The following SCHIP1 variants were observed in gnomAD, a reference collection of about 807,000 sequenced individuals.
SCHIP1 encodes schwannomin interacting protein 1.
A neutral mutation model predicts 29.7 loss-of-function variants in SCHIP1; 8 were observed. The ratio of observed to expected loss-of-function variants is 0.27; its 90% confidence interval spans 0.16 to 0.49. The LOEUF is 0.49. Ranked by LOEUF, SCHIP1 falls within the 20% of genes least tolerant of loss-of-function variation. The pLI is 0.99. For missense variants in SCHIP1, 193 were observed against 294.6 expected (o/e 0.66, Z 2.52); for synonymous variants, 76 against 94.9 (o/e 0.80, Z 1.16).
chr3:159,341,221 C>G, the SCHIP1 span, among the ~76,000 whole-genome samples: 1 of 150,754 alleles, frequency 6.6e-6, no homozygotes, highest in South Asian at 2.1e-4. Context: ...TTTTGAAGTG[C>G]TGCCGCCTTA....
chr3:159,750,290 T>TACATAC, the SCHIP1 span, among the ~76,000 whole-genome samples: 1 of 128,798 alleles, frequency 7.8e-6, no homozygotes, highest in African/African-American at 3.0e-5. Context: ...TATATATATA[T>TACATAC]ATATATACAC....
chr3:159,636,181 G>C, the SCHIP1 span, among the ~76,000 whole-genome samples: 1 of 152,168 alleles, frequency 6.6e-6, no homozygotes, highest in Non-Finnish European at 1.5e-5. Flanking sequence ...CAGAGTAGCT[G>C]GGACAACAGG....
the SCHIP1 span, among the ~76,000 whole-genome samples, chr3:159,347,072 T>C: frequency 6.6e-6 from 1 of 152,156 alleles, no homozygotes; most frequent in African/African-American, 2.4e-5. Context: ...AGACCTGAAT[T>C]TCTCACCAAC....
the SCHIP1 span, among the ~76,000 whole-genome samples, chr3:159,404,108 C>T: frequency 1.3e-5 from 2 of 152,138 alleles, no homozygotes; most frequent in Non-Finnish European, 2.9e-5. Context: ...AGCCCTTGGG[C>T]CCTGAATAAT....
the SCHIP1 span, among the ~76,000 whole-genome samples, chr3:159,744,015 A>G: frequency 1.3e-5 from 2 of 152,208 alleles, no homozygotes; most frequent in African/African-American, 4.8e-5. Flanking sequence ...TGTACTGTAT[A>G]GTAAAACTAT....
At chr3:159,439,956 T>G in the SCHIP1 span, among the ~76,000 whole-genome samples, 2 of 152,188 alleles carry the variant, frequency 1.3e-5, no homozygotes, top group Admixed American at 1.3e-4. Flanking sequence ...TTTTGGTGTC[T>G]TTGTCATGAA....
the SCHIP1 span, among the ~76,000 whole-genome samples, chr3:159,334,803 G>C: frequency 2.0e-5 from 3 of 151,638 alleles, no homozygotes; most frequent in African/African-American, 7.3e-5. Flanking sequence ...CCAATTTAAG[G>C]GTATTTTAGT....
At chr3:159,600,990 T>A in the SCHIP1 span, among the ~76,000 whole-genome samples, 2 of 152,210 alleles carry the variant, frequency 1.3e-5, no homozygotes, top group Non-Finnish European at 2.9e-5. Context: ...CTATTAGTGA[T>A]GAAGTTGTGC....
chr3:159,742,541 C>T, the SCHIP1 span, among the ~76,000 whole-genome samples: 2 of 152,274 alleles, frequency 1.3e-5, no homozygotes, highest in Non-Finnish European at 1.5e-5. Flanking sequence ...AGAAGCAAGT[C>T]CTTTGGACTC....
chr3:159,865,027 C>T (rs934713123), intron 1 of SCHIP1, among the ~76,000 whole-genome samples: 2 of 152,174 alleles, frequency 1.3e-5, no homozygotes, highest in African/African-American at 2.4e-5. Context: ...TCAGTGCGCC[C>T]TTCCCACAGG....
At chr3:159,435,774 C>T in the SCHIP1 span, among the ~76,000 whole-genome samples, 2 of 152,108 alleles carry the variant, frequency 1.3e-5, no homozygotes, top group African/African-American at 2.4e-5. Flanking sequence ...TCTCCCTAGG[C>T]CAAGTGTGTG....
At chr3:159,523,178 A>G in the SCHIP1 span, among the ~76,000 whole-genome samples, 26 of 152,182 alleles carry the variant, frequency 1.7e-4, no homozygotes, top group African/African-American at 3.4e-4. Flanking sequence ...AATAAAATCT[A>G]TTTTTCTTAA....
At chr3:159,398,910 T>A in the SCHIP1 span, 2 of 959,668 alleles carry the variant, frequency 2.1e-6, no homozygotes, top group African/African-American at 3.5e-5. Context: ...GACAGTCAGA[T>A]ATACTATACA....
chr3:159,689,094 T>G, the SCHIP1 span, among the ~76,000 whole-genome samples: 407 of 152,318 alleles, frequency 2.7e-3, 1 homozygote, highest in African/African-American at 8.9e-3. Context: ...CCTTTTTGGT[T>G]CCATATGAAA....
the SCHIP1 span, among the ~76,000 whole-genome samples, chr3:159,692,077 G>A: frequency 3.8e-4 from 54 of 143,922 alleles, 1 homozygote; most frequent in East Asian, 8.6e-3. Flanking sequence ...GCCGGACTGC[G>A]GACTGCAGTG....
the SCHIP1 span, among the ~76,000 whole-genome samples, chr3:159,300,830 T>C: frequency 6.6e-6 from 1 of 152,196 alleles, no homozygotes; most frequent in Non-Finnish European, 1.5e-5. Context: ...CTTACACTTC[T>C]CATTGTCCTT....
chr3:159,674,623 A>AAAT, the SCHIP1 span, among the ~76,000 whole-genome samples: 1 of 147,798 alleles, frequency 6.8e-6, no homozygotes, highest in Admixed American at 6.7e-5. Flanking sequence ...AAAAAAAAAA[A>AAAT]GCTGGGAAAA....
the SCHIP1 span, among the ~76,000 whole-genome samples, chr3:159,716,121 C>T: frequency 6.6e-6 from 1 of 152,190 alleles, no homozygotes; most frequent in African/African-American, 2.4e-5. Context: ...AAAGAATTTT[C>T]AACCCAGAAT....
At chr3:159,663,032 C>G in the SCHIP1 span, among the ~76,000 whole-genome samples, 1 of 152,144 alleles carries the variant, frequency 6.6e-6, no homozygotes, top group South Asian at 2.1e-4. Flanking sequence ...GTAGAAAGAT[C>G]ATAATCACTT....
Sources: gnomAD v4.1 joint callset for allele counts (sites outside exome capture counted in the v4.1 genomes callset) on GRCh38, gnomAD v4.1.1 for gene constraint, MANE v1.5 for transcripts, NCBI Gene and HGNC (gene_info 2026-07-23, HGNC 2026-07-21) for gene names.